The following ARMC9 variants were observed in gnomAD, a reference collection of about 807,000 sequenced individuals.
ARMC9 encodes lisH domain-containing protein ARMC9.
A neutral mutation model predicts 107.0 loss-of-function variants in ARMC9; 94 were observed. The ratio of observed to expected loss-of-function variants is 0.88; its 90% CI spans 0.74 to 1.04. The LOEUF (loss-of-function observed/expected upper bound fraction) is 1.04. Among genes scored for constraint, ARMC9 ranks in the 50% least tolerant of loss-of-function variants. The probability of loss-of-function intolerance (pLI) is 0.00; values close to 1 mark genes in which losing one functional copy is unlikely to be tolerated. For synonymous variants in ARMC9, 380 were observed against 396.9 expected (o/e 0.96, Z 0.51); for missense variants, 942 against 1,030.1 (o/e 0.91, Z 1.17).
chr2:231,311,507 C>G (rs35086097), intron 19 of ARMC9, among the ~76,000 whole-genome samples: 2 of 151,490 alleles, frequency 1.3e-5, no homozygotes, highest in Non-Finnish European at 2.9e-5. Flanking sequence ...CAGTTGCTCA[C>G]GCCTATAATC....
chr2:231,296,093 C>CTCA lies in ARMC9; in HGVS notation c.1718-103_1718-101dup, dbSNP rs1377476975. The CTCA allele has an allele frequency of 6.7e-6, 5 of 741,262 alleles. No homozygotes were observed. In the Admixed American group the frequency reaches 8.2e-5, roughly 12 times the overall value. 45.9% of individuals were successfully genotyped at this position (741,262 alleles called of 1,614,324 possible). ...AGGAGCATGATGACTTTGATGTAAC[C>CTCA]TCATTCTCATTAAGGTGTTTATGTC... On this transcript the variant is annotated intron_variant, in intron 18 of 24. Coordinates refer to ENST00000611582, the MANE Select transcript of ARMC9 (RefSeq NM_001352754.2).
At position 231,326,806 on chromosome 2, in the gene ARMC9, C is replaced by T. The variant is rs376045115; in HGVS notation, c.1774-4987C>T. Among the ~76,000 whole-genome samples the T allele has an allele frequency of 1.8e-4, 28 of 152,286 alleles. No individual in the cohort carries two copies. In the East Asian group the frequency reaches 3.3e-3, roughly 18 times the overall value. ...ACATCCTGAATAACTAGAAATTAGTCGGAAATGAAGACAGGGTACTCATTT... is the reference window on the plus strand; with the variant it reads ...ACATCCTGAATAACTAGAAATTAGTTGGAAATGAAGACAGGGTACTCATTT... On this transcript the variant is annotated intron_variant, in intron 19 of 24. Transcript: ENST00000611582.
intron 7 of ARMC9, among the ~76,000 whole-genome samples, chr2:231,233,558 C>T (rs2035439718): frequency 6.6e-6 from 1 of 152,108 alleles, no homozygotes; most frequent in African/African-American, 2.4e-5. Flanking sequence ...AGGTGGATCA[C>T]CTGAGGTCGG....
intron 6 of ARMC9, among the ~76,000 whole-genome samples, chr2:231,225,440 C>CA (rs370204413): frequency 2.0e-5 from 3 of 151,958 alleles, no homozygotes; most frequent in African/African-American, 7.2e-5. Flanking sequence ...TCATAATAGC[C>CA]AAAAAAATGC....
intron 15 of ARMC9, among the ~76,000 whole-genome samples, chr2:231,277,814 C>T (rs574294799): frequency 7.2e-5 from 11 of 152,262 alleles, no homozygotes; most frequent in Admixed American, 6.5e-4. Flanking sequence ...CCACCCACTT[C>T]GCCCTCCCAA....
At chr2:231,351,957 G>C (rs539122167) in intron 21 of ARMC9, among the ~76,000 whole-genome samples, 1 of 152,146 alleles carries the variant, frequency 6.6e-6, no homozygotes, top group South Asian at 2.1e-4. Flanking sequence ...CACACATTCA[G>C]AATACCAGGA....
At chr2:231,323,112 C>T (rs2043091148) in intron 19 of ARMC9, among the ~76,000 whole-genome samples, 1 of 151,980 alleles carries the variant, frequency 6.6e-6, no homozygotes, top group African/African-American at 2.4e-5. Flanking sequence ...ATGCTTGAGG[C>T]CAGGAGTTAG....
chr2:231,289,673 G>A (rs965312916), intron 17 of ARMC9, among the ~76,000 whole-genome samples: 5 of 152,116 alleles, frequency 3.3e-5, no homozygotes, highest in Admixed American at 6.6e-5. Flanking sequence ...GGTACGACAA[G>A]CCTGGCCAGG....
intron 18 of ARMC9, 179 bp from the exon 19 acceptor site, chr2:231,296,019 C>T: frequency 2.4e-6 from 1 of 424,702 alleles, no homozygotes; most frequent in East Asian, 3.5e-5. Context: ...TTTAAAATTG[C>T]TTAGGATGAT....
chr2:231,319,380 A>G (rs1480017082), intron 19 of ARMC9, among the ~76,000 whole-genome samples: 5 of 152,086 alleles, frequency 3.3e-5, no homozygotes, highest in Non-Finnish European at 7.4e-5. Context: ...TGCCATGTAC[A>G]AGCCTTAGTT....
At chr2:231,346,580 A>ATC (rs778258278) in intron 21 of ARMC9, among the ~76,000 whole-genome samples, 2 of 152,004 alleles carry the variant, frequency 1.3e-5, no homozygotes, top group Admixed American at 1.3e-4. Context: ...TGTGTGCCCT[A>ATC]TCTCTCTCTC....
At chr2:231,271,475 T>C (rs533624584) in intron 13 of ARMC9, among the ~76,000 whole-genome samples, 6 of 152,308 alleles carry the variant, frequency 3.9e-5, no homozygotes, top group African/African-American at 1.4e-4. Context: ...CACTGCACCA[T>C]TTCCTTCAGA....
intron 19 of ARMC9, among the ~76,000 whole-genome samples, chr2:231,325,780 G>A (rs947293764): frequency 2.6e-5 from 4 of 152,202 alleles, no homozygotes; most frequent in Non-Finnish European, 5.9e-5. Flanking sequence ...TTGACTTGGG[G>A]TAGGGCCTCA....
intron 7 of ARMC9, among the ~76,000 whole-genome samples, chr2:231,227,533 C>T (rs573921701): frequency 5.8e-4 from 88 of 152,342 alleles, no homozygotes; most frequent in African/African-American, 2.0e-3. Context: ...TTGTTCCATG[C>T]GCCAGCACAT....
At chr2:231,202,523 C>T (rs1199637242) in intron 1 of ARMC9, among the ~76,000 whole-genome samples, 41 of 150,668 alleles carry the variant, frequency 2.7e-4, no homozygotes, top group Admixed American at 2.6e-3. Context: ...GGTTTCACCA[C>T]GTTGCCCAGG....
chr2:231,300,433 G>T (rs903334040), intron 19 of ARMC9, among the ~76,000 whole-genome samples: 8 of 152,190 alleles, frequency 5.3e-5, no homozygotes, highest in Non-Finnish European at 8.8e-5. Flanking sequence ...ATACCTCCAA[G>T]AATTTCCAGC....
At chr2:231,287,513 A>G (rs2040680101) in intron 17 of ARMC9, among the ~76,000 whole-genome samples, 1 of 152,158 alleles carries the variant, frequency 6.6e-6, no homozygotes, top group South Asian at 2.1e-4. Context: ...GTATTCCGTG[A>G]TGCTCACTAG....
Position 231,296,184 on chromosome 2 carries a change from T to C in ARMC9, c.1718-14T>C, listed in dbSNP as rs753155363. 6.2e-7 allele frequency: 1 copy of C among 1,606,056 alleles called. No homozygotes were observed. Among genetic ancestry groups the C allele is most frequent in the South Asian group, 1.1e-5 (1 of 90,180 alleles). ...TGTTTATCCATTATTCATTGATTCT[T>C]TTTTTCTTTATAGAAGAGCTACCAG... is the stretch of plus-strand genomic sequence containing the variant. On this transcript the variant is annotated splice_polypyrimidine_tract_variant and intron_variant, in intron 18 of 24. Coordinates refer to ENST00000611582, the MANE Select transcript of ARMC9 (RefSeq NM_001352754.2).
intron 17 of ARMC9, among the ~76,000 whole-genome samples, chr2:231,283,710 G>A (rs1240170950): frequency 6.6e-6 from 1 of 152,140 alleles, no homozygotes; most frequent in Non-Finnish European, 1.5e-5. Context: ...GATTACAGAT[G>A]TGAGCCACCA....
Sources: gnomAD v4.1 joint callset for allele counts (sites outside exome capture counted in the v4.1 genomes callset) on GRCh38, gnomAD v4.1.1 for gene constraint, MANE v1.5 for transcripts, NCBI Gene and HGNC (gene_info 2026-07-23, HGNC 2026-07-21) for gene names.